Variants in NALF1 observed in about 807,000 individuals in gnomAD.
The protein encoded by NALF1 is NALCN channel auxiliary factor 1, also known as family with sequence similarity 155 member A.
NALF1 carries 3 observed loss-of-function variants against 48.4 expected under a neutral mutation model. The ratio of observed to expected loss-of-function variants is 0.06; its 90% confidence interval spans 0.03 to 0.16. The LOEUF (loss-of-function observed/expected upper bound fraction) is 0.16. NALF1 is among the 10% of genes least tolerant of loss of function. The pLI is 1.00. For missense variants in NALF1, 526 were observed against 571.5 expected (o/e 0.92, Z 0.81); for synonymous variants, 262 against 245.7 (o/e 1.07, Z -0.62).
chr13:107,639,728 C>G (rs1409669067), intron 1 of NALF1, among the ~76,000 whole-genome samples: 1 of 152,154 alleles, frequency 6.6e-6, no homozygotes, highest in East Asian at 1.9e-4. Flanking sequence ...AGTCTCAACT[C>G]AGGCATGATG....
At chr13:107,380,414 T>C (rs561430161) in intron 1 of NALF1, among the ~76,000 whole-genome samples, 30 of 152,276 alleles carry the variant, frequency 2.0e-4, no homozygotes, top group African/African-American at 6.3e-4. Flanking sequence ...GAAGTATGAC[T>C]TGAACGCTTT....
chr13:107,337,424 C>G (rs1236087230), intron 1 of NALF1, among the ~76,000 whole-genome samples: 2 of 152,074 alleles, frequency 1.3e-5, no homozygotes, highest in African/African-American at 4.8e-5. Context: ...TGTATCATCT[C>G]TCTTTGCAAT....
intron 1 of NALF1, among the ~76,000 whole-genome samples, chr13:107,677,047 GTTTGTT>G (rs1014815006): frequency 2.6e-5 from 4 of 151,852 alleles, no homozygotes; most frequent in Non-Finnish European, 5.9e-5. Context: ...TGTTTGTTTT[GTTTGTT>G]TTTGTTTTTA....
intron 1 of NALF1, among the ~76,000 whole-genome samples, chr13:107,770,473 G>C (rs1315091898): frequency 6.6e-6 from 1 of 152,124 alleles, no homozygotes; most frequent in Non-Finnish European, 1.5e-5. Flanking sequence ...TGTAACTCTA[G>C]TTTATTATTA....
intron 1 of NALF1, among the ~76,000 whole-genome samples, chr13:107,691,128 A>G (rs1014196543): frequency 3.3e-5 from 5 of 152,220 alleles, no homozygotes; most frequent in African/African-American, 9.6e-5. Context: ...ACTCAGATGC[A>G]TACACAGTGA....
At chr13:107,698,326 T>C (rs963832059) in intron 1 of NALF1, among the ~76,000 whole-genome samples, 2 of 152,160 alleles carry the variant, frequency 1.3e-5, no homozygotes, top group African/African-American at 4.8e-5. Context: ...GAGGTACTGC[T>C]AATTATTCTC....
At chr13:107,741,903 T>C (rs561567231) in intron 1 of NALF1, among the ~76,000 whole-genome samples, 1 of 152,340 alleles carries the variant, frequency 6.6e-6, no homozygotes, top group East Asian at 1.9e-4. Context: ...TGGATAGCTA[T>C]GACCACAAGC....
At chr13:107,448,898 C>G (rs1884695776) in intron 1 of NALF1, among the ~76,000 whole-genome samples, 1 of 152,138 alleles carries the variant, frequency 6.6e-6, no homozygotes, top group Non-Finnish European at 1.5e-5. Context: ...AGCAGTCCTC[C>G]CTCTGCCAAA....
At chr13:107,459,679 A>C (rs553590381) in intron 1 of NALF1, among the ~76,000 whole-genome samples, 1 of 152,278 alleles carries the variant, frequency 6.6e-6, no homozygotes, top group African/African-American at 2.4e-5. Context: ...AGCGAAAGTA[A>C]GTAAAAATCC....
At chr13:107,616,251 C>A (rs1047112377) in intron 1 of NALF1, among the ~76,000 whole-genome samples, 1 of 152,080 alleles carries the variant, frequency 6.6e-6, no homozygotes, top group Non-Finnish European at 1.5e-5. Context: ...ACTCACACAG[C>A]GTTTACGTTT....
chr13:107,361,749 A>G (rs1883064134), intron 1 of NALF1, among the ~76,000 whole-genome samples: 1 of 152,224 alleles, frequency 6.6e-6, no homozygotes, highest in African/African-American at 2.4e-5. Flanking sequence ...ATCTCAATTT[A>G]TAAGTAAGAA....
At chr13:107,201,541 C>T (rs1446797424) in intron 2 of NALF1, among the ~76,000 whole-genome samples, 1 of 152,018 alleles carries the variant, frequency 6.6e-6, no homozygotes, top group Non-Finnish European at 1.5e-5. Flanking sequence ...CGTGCCACTG[C>T]ACTCCAGCCT....
chr13:107,227,037 G>T (rs1186214685), intron 1 of NALF1, among the ~76,000 whole-genome samples: 1 of 152,190 alleles, frequency 6.6e-6, no homozygotes, highest in Non-Finnish European at 1.5e-5. Flanking sequence ...TATTTCAAGA[G>T]ATTTCTTTTG....
chr13:107,235,246 A>G (rs1045351813), intron 1 of NALF1, among the ~76,000 whole-genome samples: 1 of 152,244 alleles, frequency 6.6e-6, no homozygotes, highest in African/African-American at 2.4e-5. Context: ...CCCAGAAAGG[A>G]AATAGTTAAT....
intron 1 of NALF1, among the ~76,000 whole-genome samples, chr13:107,550,318 G>A (rs1416974751): frequency 6.6e-6 from 1 of 152,012 alleles, no homozygotes; most frequent in Non-Finnish European, 1.5e-5. Flanking sequence ...ACTTCTCTGT[G>A]CTACTAGGGC....
At chr13:107,673,762 T>C (rs532184574) in intron 1 of NALF1, among the ~76,000 whole-genome samples, 11 of 152,272 alleles carry the variant, frequency 7.2e-5, no homozygotes, top group African/African-American at 2.6e-4. Context: ...ACATTGCATG[T>C]ATCAAAACAT....
At chr13:107,412,801 A>G (rs926485121) in intron 1 of NALF1, among the ~76,000 whole-genome samples, 2 of 152,242 alleles carry the variant, frequency 1.3e-5, no homozygotes, top group African/African-American at 4.8e-5. Flanking sequence ...TTTCAGCCCT[A>G]TTACAAGAGA....
chr13:107,272,580 T>C (rs1182026713), intron 1 of NALF1, among the ~76,000 whole-genome samples: 1 of 152,166 alleles, frequency 6.6e-6, no homozygotes, highest in Non-Finnish European at 1.5e-5. Context: ...CTTACATTTA[T>C]ATGATTCCTT....
intron 1 of NALF1, among the ~76,000 whole-genome samples, chr13:107,571,699 G>C (rs1466896223): frequency 6.6e-6 from 1 of 152,128 alleles, no homozygotes; most frequent in Non-Finnish European, 1.5e-5. Flanking sequence ...GACTGAAATG[G>C]GGAAAGTATT....
Sources: allele counts gnomAD v4.1 joint callset (sites outside exome capture counted in the v4.1 genomes callset), GRCh38; gene constraint gnomAD v4.1.1; transcripts MANE v1.5; gene names NCBI Gene and HGNC (gene_info 2026-07-23, HGNC 2026-07-21).